The following LRRC53 variants were observed in gnomAD, a reference collection of about 807,000 sequenced individuals.
LRRC53 encodes the protein leucine rich repeat containing 53.
In LRRC53, 25 loss-of-function variants were observed where a neutral mutation model predicts 13.6. The ratio of observed to expected loss-of-function variants is 1.83; its 90% CI spans 1.34 to 2.56. The LOEUF (loss-of-function observed/expected upper bound fraction) is 2.56, where lower values mean the gene tolerates loss of function less well. LRRC53 is among the 30% of genes most tolerant of loss of function. The pLI, the probability that LRRC53 is intolerant of heterozygous loss-of-function variation, is 0.00. For synonymous variants in LRRC53, 204 were observed against 109.8 expected (o/e 1.86, Z -5.37); for missense variants, 527 against 275.8 (o/e 1.91, Z -6.45).
chr1:74,505,197 A>C (rs1325205635), intron 1 of LRRC53, among the ~76,000 whole-genome samples: 1 of 152,212 alleles, frequency 6.6e-6, no homozygotes, highest in African/African-American at 2.4e-5. Context: ...GACTTGGCCC[A>C]AAAATGCTGC....
the LRRC53 span, among the ~76,000 whole-genome samples, chr1:74,524,030 G>A: frequency 2.0e-4 from 31 of 152,152 alleles, no homozygotes; most frequent in African/African-American, 5.5e-4. Flanking sequence ...ATGACTGAAT[G>A]TGGAGTTGTT....
the LRRC53 span, among the ~76,000 whole-genome samples, chr1:74,522,582 T>C: frequency 6.6e-6 from 1 of 152,012 alleles, no homozygotes; most frequent in East Asian, 1.9e-4. Context: ...GAATCTGTCT[T>C]TTTCCTGCAT....
the LRRC53 span, among the ~76,000 whole-genome samples, chr1:74,532,243 A>G: frequency 2.0e-5 from 3 of 152,200 alleles, no homozygotes; most frequent in Non-Finnish European, 4.4e-5. Flanking sequence ...CAATTGTTGG[A>G]TAAAGGAAAG....
At chr1:74,498,302 C>T (rs1041793573) in intron 1 of LRRC53, among the ~76,000 whole-genome samples, 5 of 152,170 alleles carry the variant, frequency 3.3e-5, no homozygotes, top group Non-Finnish European at 5.9e-5. Flanking sequence ...TTATCTCAAT[C>T]AGCGTAATCA....
intron 1 of LRRC53, among the ~76,000 whole-genome samples, chr1:74,484,879 A>G (rs1668672041): frequency 6.6e-6 from 1 of 152,204 alleles, no homozygotes; most frequent in Non-Finnish European, 1.5e-5. Context: ...TGAGTTGGGA[A>G]CTACTTTTAG....
chr1:74,486,158 T>C (rs1248886852), intron 1 of LRRC53, among the ~76,000 whole-genome samples: 1 of 151,080 alleles, frequency 6.6e-6, no homozygotes, highest in Non-Finnish European at 1.5e-5. Flanking sequence ...TTTAATTGTT[T>C]CCTAAAATGC....
chr1:74,508,050 G>A (rs1034263234), intron 1 of LRRC53, among the ~76,000 whole-genome samples: 2 of 152,204 alleles, frequency 1.3e-5, no homozygotes, highest in African/African-American at 4.8e-5. Flanking sequence ...TGTATACAAT[G>A]ACGGGCACAC....
intron 1 of LRRC53, among the ~76,000 whole-genome samples, chr1:74,495,823 TTC>T (rs1232229847): frequency 8.5e-5 from 13 of 152,296 alleles, no homozygotes; most frequent in African/African-American, 3.1e-4. Context: ...GACTTCCAGT[TTC>T]TCCTGGAAGT....
At chr1:74,527,209 ACTCATAAGG>A in the LRRC53 span, among the ~76,000 whole-genome samples, 1 of 152,180 alleles carries the variant, frequency 6.6e-6, no homozygotes, top group African/African-American at 2.4e-5. Context: ...GCACACGGAG[ACTCATAAGG>A]CTCATCCTTG....
chr1:74,484,611 G>T (rs909872490), intron 1 of LRRC53, among the ~76,000 whole-genome samples: 4 of 152,126 alleles, frequency 2.6e-5, no homozygotes, highest in Admixed American at 2.0e-4. Context: ...AGCTGGAGAA[G>T]GTGAAGGCAT....
chr1:74,484,762 A>G (rs1668667758), intron 1 of LRRC53, among the ~76,000 whole-genome samples: 1 of 152,166 alleles, frequency 6.6e-6, no homozygotes, highest in Admixed American at 6.5e-5. Flanking sequence ...TTAGAGATGA[A>G]TGCAAAGACA....
In LRRC53 at chr1:74,476,174, G is replaced by A. The variant is rs185853272; in HGVS notation, c.905-364C>T. Among the ~76,000 whole-genome samples the A allele has an allele frequency of 3.9e-5, 6 of 152,220 alleles. No homozygotes were observed. The East Asian group carries it at 9.6e-4, about 24-fold the overall frequency. ...TATGAACTCTCATAATAGAGTGAATGACTTCTAATCTCAGACTGCCTGGTA... is the reference window on the plus strand; with the variant it reads ...TATGAACTCTCATAATAGAGTGAATAACTTCTAATCTCAGACTGCCTGGTA... On this transcript the variant is annotated intron_variant, in intron 3 of 4. Coordinates refer to ENST00000294635, the MANE Select transcript of LRRC53 (RefSeq NM_001382280.1).
the LRRC53 span, among the ~76,000 whole-genome samples, chr1:74,518,449 C>G: frequency 6.6e-6 from 1 of 152,106 alleles, no homozygotes; most frequent in Non-Finnish European, 1.5e-5. Context: ...GTTATAGACT[C>G]TTGGTTGCTT....
At chr1:74,513,110 C>A (rs1163248304), upstream of LRRC53, among the ~76,000 whole-genome samples, 1 of 152,198 alleles carries the variant, frequency 6.6e-6, no homozygotes, top group Non-Finnish European at 1.5e-5. Context: ...TAGCACACAG[C>A]TTGCTCAGTC....
Position 74,501,681 on chromosome 1 carries a change from G to A in LRRC53, c.-27+10845C>T, listed in dbSNP as rs1669639795. Among the ~76,000 whole-genome samples the A allele has an allele frequency of 2.0e-5, 3 of 152,156 alleles. No individual in the cohort carries two copies. In the South Asian group the frequency reaches 6.2e-4, roughly 32 times the overall value. On this transcript the variant is annotated intron_variant, in intron 1 of 4. Coordinates refer to ENST00000294635, the MANE Select transcript of LRRC53 (RefSeq NM_001382280.1). ...TTTGTACTTTTTTAGTAGAGACGGG[G>A]TTTCACCATGTTGGTCAGGCTGGTT...
chr1:74,534,230 T>G, the LRRC53 span, among the ~76,000 whole-genome samples: 1 of 152,048 alleles, frequency 6.6e-6, no homozygotes, highest in Non-Finnish European at 1.5e-5. Flanking sequence ...CTCTTAACTT[T>G]CAAGCCATGT....
At chr1:74,489,220 A>T in intron 1 of LRRC53, 1 of 1,612,308 alleles carries the variant, frequency 6.2e-7, no homozygotes, top group Non-Finnish European at 8.5e-7. Flanking sequence ...GTTGTCATGA[A>T]GTTAGAAGAG....
At chr1:74,493,160 T>C (rs1185576727) in intron 1 of LRRC53, among the ~76,000 whole-genome samples, 2 of 152,136 alleles carry the variant, frequency 1.3e-5, no homozygotes, top group East Asian at 3.9e-4. Context: ...TAGCAATAGG[T>C]AAATCTATAA....
At chr1:74,529,862 C>T in the LRRC53 span, among the ~76,000 whole-genome samples, 1 of 152,180 alleles carries the variant, frequency 6.6e-6, no homozygotes, top group Admixed American at 6.5e-5. Flanking sequence ...GATGACCCCA[C>T]CCCTTGTGAA....
Sources: gnomAD v4.1 joint callset for allele counts (sites outside exome capture counted in the v4.1 genomes callset) on GRCh38, gnomAD v4.1.1 for gene constraint, MANE v1.5 for transcripts, NCBI Gene and HGNC (gene_info 2026-07-23, HGNC 2026-07-21) for gene names.